Variants in ZC3H13 observed in about 807,000 individuals in gnomAD.
ZC3H13 encodes the protein zinc finger CCCH-type containing 13.
Under a neutral mutation model 204.1 loss-of-function variants are expected in ZC3H13, and 64 were observed. The ratio of observed to expected loss-of-function variants is 0.31; its 90% CI spans 0.26 to 0.39. ZC3H13 has a LOEUF of 0.39. Among genes scored for constraint, ZC3H13 ranks in the 10% least tolerant of loss-of-function variants. The pLI, the probability that ZC3H13 is intolerant of heterozygous loss-of-function variation, is 1.00. For synonymous variants in ZC3H13, 667 were observed against 693.7 expected (o/e 0.96, Z 0.60); for missense variants, 1,833 against 2,082.7 (o/e 0.88, Z 2.33).
chr13:45,997,907 C>T (rs2138418544), intron 8 of ZC3H13, among the ~76,000 whole-genome samples: 2 of 152,176 alleles, frequency 1.3e-5, no homozygotes, highest in South Asian at 4.1e-4. Flanking sequence ...ACACACACCC[C>T]ATCACTATAT....
At chr13:46,048,223 C>G (rs1347265176) in intron 1 of ZC3H13, among the ~76,000 whole-genome samples, 1 of 152,190 alleles carries the variant, frequency 6.6e-6, no homozygotes. Flanking sequence ...ACTCTCCTCC[C>G]TTGACCTATT....
intron 2 of ZC3H13, 100 bp downstream of exon 2, chr13:46,045,291 T>A (rs2043870627): frequency 8.8e-7 from 1 of 1,130,148 alleles, no homozygotes; most frequent in Admixed American, 2.1e-5. Flanking sequence ...TGAACAAACA[T>A]TCCTACAATA....
chr13:46,000,260 T>A (rs561236065), intron 8 of ZC3H13, among the ~76,000 whole-genome samples: 2 of 152,310 alleles, frequency 1.3e-5, no homozygotes, highest in East Asian at 1.9e-4. Context: ...GCTATGGACA[T>A]CTTGGATGGC....
Position 45,970,028 on chromosome 13 carries a change from A to T in ZC3H13, c.2573-57T>A, listed in dbSNP as rs1952455683. ...ACCAGGTTAGTAACCACTGCATGGT[A>T]CATATAGATTATAATAATTTCTCCT... On this transcript the variant is annotated intron_variant, in intron 13 of 18. Coordinates refer to ENST00000679008, the MANE Select transcript of ZC3H13 (RefSeq NM_001330564.2). 1.6e-5 allele frequency: 24 copies of T among 1,516,028 alleles called. No individual in the cohort carries two copies. In the South Asian group the frequency reaches 3.1e-4, roughly 19 times the overall value. The allele number at this position is 1,516,028 out of a possible 1,614,324, so 93.9% of individuals were successfully genotyped here.
chr13:45,984,674 A>G (rs1316529500), intron 10 of ZC3H13, among the ~76,000 whole-genome samples: 2 of 152,206 alleles, frequency 1.3e-5, no homozygotes, highest in African/African-American at 4.8e-5. Context: ...AAAGAATAAA[A>G]GTGATCAAAG....
chr13:46,000,226 C>T lies in ZC3H13; in HGVS notation c.944+2913G>A, dbSNP rs572408222. On this transcript the variant is annotated intron_variant, in intron 8 of 18. Transcript: ENST00000679008. ...CAGCCTGTTCTTCGGAGCTTTGAAG[C>T]CAAGCATTGACTTCTCCTCTCTGGC... Among the ~76,000 whole-genome samples, 5 of 152,310 alleles carry T rather than the reference C, an allele frequency of 3.3e-5. No individual in the cohort carries two copies. The South Asian group carries it at 1.0e-3, about 32-fold the overall frequency.
chr13:45,982,382 G>A (rs1015053783), intron 10 of ZC3H13, among the ~76,000 whole-genome samples: 1 of 152,048 alleles, frequency 6.6e-6, no homozygotes, highest in Admixed American at 6.6e-5. Context: ...TAGAAGGTAA[G>A]CCTGAGAATA....
intron 7 of ZC3H13, among the ~76,000 whole-genome samples, chr13:46,005,203 T>C (rs564030683): frequency 5.8e-4 from 88 of 152,328 alleles, no homozygotes; most frequent in Non-Finnish European, 1.0e-3. Flanking sequence ...TTTCAAAAAA[T>C]CTTTTCCAGC....
intron 8 of ZC3H13, among the ~76,000 whole-genome samples, chr13:45,990,134 G>A (rs1593564738): frequency 6.6e-6 from 1 of 152,132 alleles, no homozygotes; most frequent in East Asian, 1.9e-4. Flanking sequence ...TCGGAGGAGG[G>A]GGAGTGTCTT....
intron 1 of ZC3H13, among the ~76,000 whole-genome samples, chr13:46,046,664 T>C: frequency 1.5e-5 from 1 of 64,922 alleles, no homozygotes. Context: ...CGAGACTCCA[T>C]CTCAAAAAAA....
At chr13:45,995,153 T>C (rs2040243776) in intron 8 of ZC3H13, among the ~76,000 whole-genome samples, 1 of 152,196 alleles carries the variant, frequency 6.6e-6, no homozygotes. Flanking sequence ...CTCTATATTA[T>C]GCATTTCTGA....
chr13:45,968,373 T>C lies in ZC3H13; in HGVS notation c.3797-345A>G, dbSNP rs555977581. ...TTAATAGAACTAATCACTCCATTAT[T>C]TGATCTCCTCCTACTCCCCTATCTT... On this transcript the variant is annotated intron_variant, in intron 14 of 18. Transcript: ENST00000679008. Among the ~76,000 whole-genome samples the C allele has an allele frequency of 2.6e-5, 4 of 152,316 alleles. No individual in the cohort carries two copies. The South Asian group carries it at 8.3e-4, about 32-fold the overall frequency.
chr13:45,969,606 C>T lies in ZC3H13; in HGVS notation c.2938G>A (p.Gly980Ser). Residue 980 changes from glycine to serine, a missense_variant, in exon 14 of 19, where the codon GGT becomes AGT. Physicochemically the swap from Gly to Ser is moderately conservative, Grantham distance 56 (BLOSUM62 0). This residue lies in a region of ZC3H13 where 1,574 missense variants were observed against 1,757.2 expected (regional missense o/e 0.90). Coordinates refer to ENST00000679008, the MANE Select transcript of ZC3H13 (RefSeq NM_001330564.2). ...TCTTCAGATGTTGTCTCTATGTTAC[C>T]CCTCTCTATTCCAACATCATCCTCT... Reference protein sequence around the residue: ...KKEDDVGIERGNIETTSEDGQ... With the variant: ...KKEDDVGIERSNIETTSEDGQ... 1 of 1,610,636 alleles carries T rather than the reference C, an allele frequency of 6.2e-7. No homozygotes were observed. Among genetic ancestry groups the T allele is most frequent in the Non-Finnish European group, 8.5e-7 (1 of 1,179,364 alleles).
intron 4 of ZC3H13, among the ~76,000 whole-genome samples, chr13:46,026,176 C>T (rs1301769963): frequency 6.6e-6 from 1 of 151,754 alleles, no homozygotes; most frequent in African/African-American, 2.4e-5. Context: ...TTATGAAGTG[C>T]TCATATAAAT....
At chr13:46,002,500 C>T (rs2040821932) in intron 8 of ZC3H13, among the ~76,000 whole-genome samples, 1 of 152,066 alleles carries the variant, frequency 6.6e-6, no homozygotes, top group Non-Finnish European at 1.5e-5. Context: ...CAACAATAGC[C>T]AGGAGGTGAA....
At position 45,980,047 on chromosome 13, in the gene ZC3H13, T is replaced by C. The variant is rs778493126; in HGVS notation, c.1721-43A>G. On this transcript the variant is annotated intron_variant, in intron 10 of 18. Transcript: ENST00000679008. ...ACACAAATGTTTACCACATACACTTTATTCAACAAATTTCATCAGTCATAA... is the reference window on the plus strand; with the variant it reads ...ACACAAATGTTTACCACATACACTTCATTCAACAAATTTCATCAGTCATAA... 1.1e-5 allele frequency: 17 copies of C among 1,509,744 alleles called. No homozygotes were observed. The South Asian group carries it at 2.3e-4, about 20-fold the overall frequency. The allele number at this position is 1,509,744 out of a possible 1,614,324, so 93.5% of individuals were successfully genotyped here. A position where few individuals can be genotyped will look rare whatever the true frequency, so the allele number is the denominator to read the frequency against.
chr13:45,985,854 T>C, intron 9 of ZC3H13, 93 bp from the exon 10 acceptor site: 1 of 1,164,660 alleles, frequency 8.6e-7, no homozygotes, highest in Non-Finnish European at 1.2e-6. Context: ...AAAAATTTTA[T>C]TATAATGACA....
intron 5 of ZC3H13, among the ~76,000 whole-genome samples, chr13:46,011,972 A>ATTT (rs2041595457): frequency 6.6e-6 from 1 of 152,240 alleles, no homozygotes; most frequent in Admixed American, 6.5e-5. Context: ...AATACATCAT[A>ATTT]CAAAGTGAGG....
Position 45,967,521 on chromosome 13 carries a change from C to T in ZC3H13, c.4304G>A (p.Arg1435Lys). 6.4e-7 allele frequency: 1 copy of T among 1,558,106 alleles called. No homozygotes were observed. Residue 1435 changes from arginine to lysine, a missense_variant, in exon 15 of 19, where the codon AGA becomes AAA. Transcript: ENST00000679008. ...QGFEETNKSE[R>K]TESLEAGDDE... ...GCACTCACCTTCCAGACTCTCAGTT[C>T]TCTCGGATTTATTTGTTTCTTCAAA...
Sources: allele counts gnomAD v4.1 joint callset (sites outside exome capture counted in the v4.1 genomes callset), GRCh38; gene constraint gnomAD v4.1.1; regional missense constraint gnomAD v4.1.1; transcripts MANE v1.5; gene names NCBI Gene and HGNC (gene_info 2026-07-23, HGNC 2026-07-21).